TENM2: variants seen among roughly 807,000 people sequenced by gnomAD.
TENM2 encodes teneurin transmembrane protein 2, also known as teneurin-2.
TENM2 carries 52 observed loss-of-function variants against 245.2 expected under a neutral mutation model. That is an observed-to-expected ratio of 0.21 (90% confidence interval 0.17 to 0.27). The LOEUF (loss-of-function observed/expected upper bound fraction) is 0.27, where lower values mean the gene tolerates loss of function less well. Among genes scored for constraint, TENM2 ranks in the 10% least tolerant of loss-of-function variants. TENM2 has a pLI of 1.00. For synonymous variants in TENM2, 1,363 were observed against 1,438.9 expected (o/e 0.95, Z 1.19); for missense variants, 3,046 against 3,666.8 (o/e 0.83, Z 4.37).
intron 23 of TENM2, among the ~76,000 whole-genome samples, chr5:168,221,373 G>A (rs748524354): frequency 2.0e-5 from 3 of 152,134 alleles, no homozygotes; most frequent in African/African-American, 7.2e-5. Context: ...TCAGAGAATC[G>A]AAGTGACTCC....
chr5:167,574,290 A>G (rs1272110488), intron 2 of TENM2, among the ~76,000 whole-genome samples: 2 of 152,208 alleles, frequency 1.3e-5, no homozygotes, highest in Admixed American at 1.3e-4. Flanking sequence ...GATGATTTTG[A>G]TCAGAATAGC....
At chr5:168,225,968 T>G in intron 23 of TENM2, 120 bp from the exon 26 acceptor site, 3 of 820,090 alleles carry the variant, frequency 3.7e-6, no homozygotes, top group Non-Finnish European at 5.7e-6. Flanking sequence ...CTCAGTGAGA[T>G]GCGCCACCCA....
chr5:167,606,797 C>T (rs1279713911), intron 2 of TENM2, among the ~76,000 whole-genome samples: 2 of 152,146 alleles, frequency 1.3e-5, no homozygotes, highest in Non-Finnish European at 2.9e-5. Context: ...AGTGATGTTA[C>T]AAACTATGCT....
the TENM2 span, among the ~76,000 whole-genome samples, chr5:167,227,950 A>AT: frequency 2.0e-5 from 3 of 150,916 alleles, no homozygotes; most frequent in South Asian, 2.1e-4. Context: ...ATTCTTTTTT[A>AT]TTTTTTTTCT....
chr5:168,021,819 G>A (rs984658116), intron 5 of TENM2, among the ~76,000 whole-genome samples: 1 of 148,392 alleles, frequency 6.7e-6, no homozygotes, highest in African/African-American at 2.5e-5. Flanking sequence ...TCCACTGAAT[G>A]CTGCAAAAGT....
chr5:167,473,705 C>T (rs1317853009), intron 2 of TENM2, among the ~76,000 whole-genome samples: 2 of 152,074 alleles, frequency 1.3e-5, no homozygotes, highest in Non-Finnish European at 2.9e-5. Context: ...ACACTGAATC[C>T]AGAACAGGAT....
At chr5:167,499,207 C>T (rs1240882512) in intron 2 of TENM2, among the ~76,000 whole-genome samples, 1 of 151,976 alleles carries the variant, frequency 6.6e-6, no homozygotes, top group Non-Finnish European at 1.5e-5. Context: ...AGAAAGTATC[C>T]TTTATTGCCC....
At chr5:168,014,520 C>T (rs562715724) in intron 5 of TENM2, among the ~76,000 whole-genome samples, 1 of 152,250 alleles carries the variant, frequency 6.6e-6, no homozygotes, top group Admixed American at 6.5e-5. Context: ...TAAGGGTAGA[C>T]AAGTTGATTT....
chr5:167,907,524 A>AATATATATAT (rs56159044), intron 3 of TENM2, among the ~76,000 whole-genome samples: 34 of 78,244 alleles, frequency 4.3e-4, no homozygotes, highest in East Asian at 8.4e-4. Flanking sequence ...GATCACCCTA[A>AATATATATAT]ATATATATAT....
chr5:168,192,590 A>G (rs1028410906), intron 14 of TENM2, among the ~76,000 whole-genome samples: 2 of 152,226 alleles, frequency 1.3e-5, no homozygotes, highest in Non-Finnish European at 2.9e-5. Flanking sequence ...TTTGACTTTA[A>G]CATATACTAT....
In TENM2 at chr5:168,248,330, A is replaced by G. The variant is rs182071305; in HGVS notation, c.7391A>G (p.Asn2464Ser). 88 of 1,613,968 alleles carry G rather than the reference A, an allele frequency of 5.5e-5. No individual in the cohort carries two copies. In the Admixed American group the frequency reaches 6.0e-4, roughly 11 times the overall value. Reference sequence around the variant, plus strand: ...AACCTGTATATGTTCAAGAGCAACAATCCTCTCAGCAGTGAGCTAGATTTG... The same window carrying G: ...AACCTGTATATGTTCAAGAGCAACAGTCCTCTCAGCAGTGAGCTAGATTTG... Residue 2464 changes from asparagine (N) to serine (S), a missense_variant, in exon 27 of 29, where the codon AAT becomes AGT. This residue lies in a region of TENM2 where 2,704 missense variants were observed against 3,331.9 expected (regional missense o/e 0.81). Transcript: ENST00000518659.
intron 6 of TENM2, among the ~76,000 whole-genome samples, chr5:168,053,512 G>A (rs562898217): frequency 5.3e-5 from 8 of 152,082 alleles, no homozygotes; most frequent in South Asian, 2.1e-4. Context: ...TCATACCCAC[G>A]GGTATCCACA....
At chr5:167,510,692 G>A (rs1769890033) in intron 2 of TENM2, among the ~76,000 whole-genome samples, 2 of 151,916 alleles carry the variant, frequency 1.3e-5, no homozygotes, top group South Asian at 4.2e-4. Flanking sequence ...GAAAGAGAGA[G>A]GAAAGAAAGA....
chr5:167,467,345 C>A (rs1252219242), intron 2 of TENM2, among the ~76,000 whole-genome samples: 1 of 152,056 alleles, frequency 6.6e-6, no homozygotes, highest in Admixed American at 6.6e-5. Context: ...CCTGAGGCCT[C>A]CCCAGTCGTG....
chr5:168,098,770 C>T (rs1004883936), intron 9 of TENM2, among the ~76,000 whole-genome samples: 2 of 152,110 alleles, frequency 1.3e-5, no homozygotes, highest in African/African-American at 2.4e-5. Context: ...CACACTTTTA[C>T]CCACAGGCAC....
chr5:167,135,421 A>G, the TENM2 span, among the ~76,000 whole-genome samples: 7 of 152,298 alleles, frequency 4.6e-5, no homozygotes, highest in South Asian at 1.5e-3. Context: ...CTCAGTTATC[A>G]AAGTCCTTTC....
At chr5:167,763,140 A>T (rs923900016) in intron 2 of TENM2, among the ~76,000 whole-genome samples, 3 of 152,224 alleles carry the variant, frequency 2.0e-5, no homozygotes, top group African/African-American at 7.2e-5. Context: ...TCTCTTGCTG[A>T]AGGCAGCTGG....
chr5:168,261,306 C>T (rs2173017), intron 28 of TENM2, among the ~76,000 whole-genome samples: 58,562 of 151,980 alleles, frequency 0.39, 12,258 homozygotes, highest in South Asian at 0.52. Context: ...AGAACCAGGG[C>T]GAGGATCCAA....
rs2152565031 is a variant in TENM2, at chr5:168,218,603, G to A, written c.4712G>A (p.Ser1571Asn). Residue 1571 changes from serine (S) to asparagine (N), a missense_variant, in exon 23 of 29, where the codon AGC becomes AAC. Transcript: ENST00000518659. This position sits in a 1 kb window ranked among gnomAD's most constrained non-coding sequence, Gnocchi z 5.2. ...GGAAATATTCGGATCAGGGCGGTCA[G>A]CAAGAACAAGCCTGTTCTTAATGCC... 6.2e-7 allele frequency: 1 copy of A among 1,614,006 alleles called. No homozygotes were observed. Among genetic ancestry groups the A allele is most frequent in the East Asian group, 2.2e-5 (1 of 44,882 alleles).
Sources: gnomAD v4.1 joint callset for allele counts (sites outside exome capture counted in the v4.1 genomes callset) on GRCh38, gnomAD v4.1.1 for gene constraint, gnomAD v4.1.1 regional missense constraint, Gnocchi (gnomAD v3.1) non-coding constraint, MANE v1.5 for transcripts, NCBI Gene and HGNC (gene_info 2026-07-23, HGNC 2026-07-21) for gene names.